Variants in TRERF1 observed in about 807,000 individuals in gnomAD.
TRERF1 encodes transcriptional-regulating factor 1.
TRERF1 carries 27 observed loss-of-function variants against 122.9 expected under a neutral mutation model. The observed-to-expected ratio is 0.22, with a 90% CI of 0.16 to 0.30. TRERF1 has a LOEUF of 0.30. Ranked by LOEUF, TRERF1 falls within the 10% of genes least tolerant of loss-of-function variation. The probability of loss-of-function intolerance (pLI) is 1.00; values close to 1 mark genes in which losing one functional copy is unlikely to be tolerated. For missense variants in TRERF1, 1,248 were observed against 1,560.3 expected (o/e 0.80, Z 3.37); for synonymous variants, 636 against 641.7 (o/e 0.99, Z 0.13).
chr6:42,392,367 T>G (rs947830388), intron 2 of TRERF1, among the ~76,000 whole-genome samples: 17 of 152,126 alleles, frequency 1.1e-4, no homozygotes, highest in African/African-American at 3.4e-4. Flanking sequence ...GAGTGATCAT[T>G]AAACAAGAAA....
At chr6:42,376,029 C>T (rs747408121) in intron 2 of TRERF1, among the ~76,000 whole-genome samples, 23 of 152,112 alleles carry the variant, frequency 1.5e-4, no homozygotes, top group Admixed American at 4.6e-4. Flanking sequence ...GGCGGTGTGG[C>T]TGGGTCTGGG....
chr6:42,314,155 A>C (rs1313932922), intron 3 of TRERF1, among the ~76,000 whole-genome samples: 1 of 152,154 alleles, frequency 6.6e-6, no homozygotes, highest in Non-Finnish European at 1.5e-5. Context: ...CTTTTAGACA[A>C]ATGCATGTAC....
intron 2 of TRERF1, among the ~76,000 whole-genome samples, chr6:42,450,573 C>CTCCA (rs1292395989): frequency 6.6e-6 from 1 of 152,240 alleles, no homozygotes; most frequent in African/African-American, 2.4e-5. Flanking sequence ...GGCGCACATG[C>CTCCA]TCCAGTCCAG....
At chr6:42,377,821 T>C (rs986448184) in intron 2 of TRERF1, among the ~76,000 whole-genome samples, 5 of 152,196 alleles carry the variant, frequency 3.3e-5, no homozygotes, top group African/African-American at 1.2e-4. Flanking sequence ...AATTGTGTTA[T>C]ATACATCTCC....
At chr6:42,270,276 G>A (rs566208113) in intron 4 of TRERF1, among the ~76,000 whole-genome samples, 2 of 152,268 alleles carry the variant, frequency 1.3e-5, no homozygotes, top group Admixed American at 1.3e-4. Flanking sequence ...CCTTTTCACT[G>A]AGTCTGCAGA....
At chr6:42,297,467 C>T (rs943459660) in intron 4 of TRERF1, among the ~76,000 whole-genome samples, 1 of 152,182 alleles carries the variant, frequency 6.6e-6, no homozygotes, top group Non-Finnish European at 1.5e-5. Context: ...CCTAGGGAGA[C>T]CCCTCCACAA....
chr6:42,226,777 C>T (rs911673577), exon 18 of TRERF1: 1 of 152,266 alleles, frequency 6.6e-6, no homozygotes, highest in Non-Finnish European at 1.5e-5. Flanking sequence ...GATATTCTCT[C>T]TCATGTCAAG....
chr6:42,378,816 C>T (rs599088), intron 2 of TRERF1, among the ~76,000 whole-genome samples: 120,359 of 152,126 alleles, frequency 0.79, 48,418 homozygotes, highest in African/African-American at 0.94. Context: ...ATGAACACAA[C>T]CAAAATTTAT....
At chr6:42,237,296 T>C (rs1772471141) in intron 15 of TRERF1, among the ~76,000 whole-genome samples, 1 of 152,128 alleles carries the variant, frequency 6.6e-6, no homozygotes, top group Non-Finnish European at 1.5e-5. Flanking sequence ...CTGGGTGTGC[T>C]GGGATGGAAG....
intron 2 of TRERF1, among the ~76,000 whole-genome samples, chr6:42,402,216 G>C (rs149957357): frequency 6.6e-6 from 1 of 152,256 alleles, no homozygotes; most frequent in East Asian, 1.9e-4. Context: ...ACCATAAAAA[G>C]GATTTTCTAT....
chr6:42,346,440 C>T (rs1581709273), intron 3 of TRERF1, among the ~76,000 whole-genome samples: 3 of 152,196 alleles, frequency 2.0e-5, no homozygotes, highest in East Asian at 1.9e-4. Flanking sequence ...CAGGAGCCAA[C>T]CAGAGCCAGA....
At chr6:42,369,174 G>C (rs1773311869) in intron 2 of TRERF1, among the ~76,000 whole-genome samples, 1 of 152,160 alleles carries the variant, frequency 6.6e-6, no homozygotes, top group African/African-American at 2.4e-5. Flanking sequence ...AGGAGGCCAG[G>C]CACGGTGGCT....
Position 42,228,288 on chromosome 6 carries a change from T to C in TRERF1, c.*57A>G. On this transcript the variant is annotated 3_prime_UTR_variant, in exon 18 of 18. Coordinates refer to ENST00000372922, the Ensembl canonical transcript of TRERF1. The surrounding 1 kb of genome is among the most constrained non-coding windows in gnomAD (Gnocchi z 4.2). The stretch of plus-strand genomic sequence containing the variant: ...AAACAAGCAGGCAGTCCAGGTTTCC[T>C]GATTAATGAAGATGGAGGCCGTGGG... The C allele has an allele frequency of 6.8e-7, 1 of 1,476,510 alleles. No homozygotes were observed. 91.5% of individuals were successfully genotyped at this position (1,476,510 alleles called of 1,614,324 possible).
chr6:42,442,294 T>C (rs1378469831), intron 2 of TRERF1, among the ~76,000 whole-genome samples: 1 of 151,102 alleles, frequency 6.6e-6, no homozygotes, highest in African/African-American at 2.4e-5. Flanking sequence ...TTCAAAGGAG[T>C]TAGATTGGGG....
intron 16 of TRERF1, 42 bp downstream of exon 16, chr6:42,236,163 T>C: frequency 6.5e-7 from 1 of 1,528,922 alleles, no homozygotes; most frequent in Admixed American, 2.2e-5. Flanking sequence ...GCTATATGGC[T>C]CTCACTTGTC....
In TRERF1 at chr6:42,348,217, A is replaced by G. The variant is rs1035916922; in HGVS notation, c.-371+14780T>C. 3.9e-5 allele frequency among the ~76,000 whole-genome samples: 6 copies of G among 152,118 alleles called. No homozygotes were observed. In the South Asian group the frequency reaches 1.2e-3, roughly 32 times the overall value. ...CACACACACATACACACACACACCC[A>G]TACTTCCCTGGCTCTTTTTTTCTTT... On this transcript the variant is annotated intron_variant, in intron 3 of 17. Coordinates refer to ENST00000372922, the Ensembl canonical transcript of TRERF1.
intron 13 of TRERF1, among the ~76,000 whole-genome samples, chr6:42,247,637 C>G (rs1172389801): frequency 3.3e-5 from 5 of 152,134 alleles, no homozygotes. Context: ...CTGGCTAAAC[C>G]TGATATTTAT....
chr6:42,236,101 G>A, intron 16 of TRERF1, 104 bp downstream of exon 16: 2 of 1,453,422 alleles, frequency 1.4e-6, no homozygotes, highest in Non-Finnish European at 1.8e-6. Flanking sequence ...GCCAAACTGT[G>A]ACTGTTGGAA....
chr6:42,402,424 T>C (rs1779524383), intron 2 of TRERF1, among the ~76,000 whole-genome samples: 1 of 152,180 alleles, frequency 6.6e-6, no homozygotes, highest in Non-Finnish European at 1.5e-5. Flanking sequence ...TGCAGGGCTG[T>C]GAGCCTGACT....
Sources: gnomAD v4.1 joint callset for allele counts (sites outside exome capture counted in the v4.1 genomes callset) on GRCh38, gnomAD v4.1.1 for gene constraint, Gnocchi (gnomAD v3.1) non-coding constraint, MANE v1.5 for transcripts, NCBI Gene and HGNC (gene_info 2026-07-23, HGNC 2026-07-21) for gene names.